Variants in EML1 observed in about 807,000 individuals in gnomAD.
EML1 encodes the protein EMAP like 1.
Under a neutral mutation model 110.4 loss-of-function variants are expected in EML1, and 27 were observed. The ratio of observed to expected loss-of-function variants is 0.24; its 90% CI spans 0.18 to 0.34. The LOEUF is 0.34. Ranked by LOEUF, EML1 falls within the 10% of genes least tolerant of loss-of-function variation. The pLI is 1.00. For synonymous variants in EML1, 344 were observed against 385.8 expected, an observed-to-expected ratio of 0.89 and a Z score of 1.27; for missense variants, 741 against 1,030.9, an observed-to-expected ratio of 0.72 and a Z score of 3.85.
chr14:99,783,826 C>G (rs544961957), intron 1 of EML1, among the ~76,000 whole-genome samples: 1 of 152,302 alleles, frequency 6.6e-6, no homozygotes, highest in Non-Finnish European at 1.5e-5. Flanking sequence ...AAGGCCTAAA[C>G]CTGGCTGTCC....
intron 15 of EML1, among the ~76,000 whole-genome samples, chr14:99,917,339 A>G (rs3783328): frequency 0.65 from 99,407 of 152,044 alleles, 32,488 homozygotes; most frequent in African/African-American, 0.68. Flanking sequence ...GGAGGCAGAG[A>G]CAGGAGGATC....
rs886942010 is a variant in EML1, at chr14:99,885,680, T to C, written c.519-5519T>C. Among the ~76,000 whole-genome samples, 34 of 152,366 alleles carry C rather than the reference T, an allele frequency of 2.2e-4. 1 individual carries two copies. The East Asian group carries it at 6.4e-3, about 28-fold the overall frequency. The stretch of plus-strand genomic sequence containing the variant: ...TTTTAATAAATTTCAAAATGATAAG[T>C]GCTAATATTCTTCATATTGTTTTAG... On this transcript the variant is annotated intron_variant, in intron 4 of 21. Transcript: ENST00000262233.
intron 1 of EML1, among the ~76,000 whole-genome samples, chr14:99,762,241 T>A (rs1242759951): frequency 6.6e-6 from 1 of 152,150 alleles, no homozygotes; most frequent in Non-Finnish European, 1.5e-5. Flanking sequence ...AGTGTTTTTT[T>A]CATAAACTTC....
Position 99,784,474 on chromosome 14 carries a change from C to A in EML1, c.-27+10461C>A, listed in dbSNP as rs1189464223. Reference sequence around the variant, plus strand: ...TCAGATACTTCAAAATATGTAAATTCTTTTGATGGAGTCCAATCATTAGGA... The same window carrying A: ...TCAGATACTTCAAAATATGTAAATTATTTTGATGGAGTCCAATCATTAGGA... On this transcript the variant is annotated intron_variant, in intron 1 of 22. Coordinates refer to the EML1 transcript ENST00000327921. This position sits in a 1 kb window ranked among gnomAD's most constrained non-coding sequence, Gnocchi z 4.5. 4.6e-5 allele frequency among the ~76,000 whole-genome samples: 7 copies of A among 152,216 alleles called. No individual in the cohort carries two copies. Among genetic ancestry groups the A allele is most frequent in the Admixed American group, 4.6e-4 (7 of 15,284 alleles).
In EML1 at chr14:99,849,917, G is replaced by C. The variant is rs115703133; in HGVS notation, c.68-936G>C. Among the ~76,000 whole-genome samples the C allele has an allele frequency of 1.9e-4, 29 of 149,314 alleles. No individual in the cohort carries two copies. The East Asian group carries it at 5.8e-3, about 30-fold the overall frequency. The stretch of plus-strand genomic sequence containing the variant: ...ATTTATTTGTTTGTTTTGTTTTTGC[G>C]CCACTGCGCTCCAGCCTGGGCGACC... On this transcript the variant is annotated intron_variant, in intron 1 of 21. Coordinates refer to ENST00000262233, the MANE Select transcript of EML1 (RefSeq NM_004434.3).
upstream of EML1, among the ~76,000 whole-genome samples, chr14:99,769,482 C>A (rs948276929): frequency 6.6e-6 from 1 of 152,204 alleles, no homozygotes; most frequent in Non-Finnish European, 1.5e-5. Context: ...GGCAGGGACG[C>A]AAGCTCCTCT....
At chr14:99,911,201 C>A (rs964623154) in intron 12 of EML1, among the ~76,000 whole-genome samples, 1 of 152,148 alleles carries the variant, frequency 6.6e-6, no homozygotes, top group Non-Finnish European at 1.5e-5. Flanking sequence ...TTCAACCATG[C>A]GGCTTCAACA....
intron 5 of EML1, among the ~76,000 whole-genome samples, chr14:99,894,285 T>C (rs1414865149): frequency 6.6e-6 from 1 of 152,206 alleles, no homozygotes; most frequent in Non-Finnish European, 1.5e-5. Context: ...TTTCTTGTGT[T>C]AGTTGAATTT....
chr14:99,834,374 C>G (rs1033368781), intron 1 of EML1, among the ~76,000 whole-genome samples: 5 of 151,642 alleles, frequency 3.3e-5, no homozygotes, highest in African/African-American at 1.2e-4. Flanking sequence ...GCAGTCTCGG[C>G]TCACTGCAAG....
intron 4 of EML1, among the ~76,000 whole-genome samples, chr14:99,880,891 G>A (rs1452144353): frequency 2.6e-5 from 4 of 152,206 alleles, no homozygotes; most frequent in Admixed American, 6.5e-5. Context: ...TCATCCCTGT[G>A]ATAGTTCTTA....
intron 6 of EML1, among the ~76,000 whole-genome samples, chr14:99,896,202 G>A (rs2059668767): frequency 6.6e-6 from 1 of 152,078 alleles, no homozygotes; most frequent in Non-Finnish European, 1.5e-5. Context: ...TTGAGTACCT[G>A]TTTAATGCCA....
At chr14:99,836,786 G>T (rs12147384) in intron 1 of EML1, among the ~76,000 whole-genome samples, 102,906 of 151,834 alleles carry the variant, frequency 0.68, 34,967 homozygotes, top group Non-Finnish European at 0.7. Context: ...TTGTACTGGG[G>T]GTAGTTACTT....
chr14:99,869,603 G>A (rs1443487684), intron 3 of EML1, among the ~76,000 whole-genome samples: 1 of 152,190 alleles, frequency 6.6e-6, no homozygotes, highest in Non-Finnish European at 1.5e-5. Flanking sequence ...TAATGAGGAA[G>A]ACATGTCAAA....
chr14:99,835,713 T>C (rs148868228), intron 1 of EML1, among the ~76,000 whole-genome samples: 1 of 152,366 alleles, frequency 6.6e-6, no homozygotes, highest in African/African-American at 2.4e-5. Context: ...TAATTTGAGT[T>C]AGTATTTGTG....
chr14:99,797,014 T>C (rs1335784704), intron 1 of EML1, among the ~76,000 whole-genome samples: 1 of 152,118 alleles, frequency 6.6e-6, no homozygotes. Flanking sequence ...GTGCGTGTAG[T>C]ATATTCACAG....
intron 1 of EML1, among the ~76,000 whole-genome samples, chr14:99,839,588 T>G (rs2058600900): frequency 6.6e-6 from 1 of 152,240 alleles, no homozygotes. Context: ...TTATCCAACC[T>G]AAGGCTTGTA....
At chr14:99,783,906 AG>A (rs2057570463) in intron 1 of EML1, among the ~76,000 whole-genome samples, 1 of 152,232 alleles carries the variant, frequency 6.6e-6, no homozygotes, top group Non-Finnish European at 1.5e-5. Flanking sequence ...GTGGCATGCC[AG>A]GAACGGCCAT....
upstream of EML1, among the ~76,000 whole-genome samples, chr14:99,789,965 C>T (rs1357293636): frequency 6.6e-6 from 1 of 152,248 alleles, no homozygotes; most frequent in East Asian, 1.9e-4. Context: ...GAACTTTCCC[C>T]AAAGATCTTT....
At chr14:99,859,557 A>G (rs1398170593) in intron 2 of EML1, among the ~76,000 whole-genome samples, 2 of 152,174 alleles carry the variant, frequency 1.3e-5, no homozygotes, top group African/African-American at 4.8e-5. Flanking sequence ...GACCCAGAGG[A>G]CCTTGCCTGT....
Sources: allele counts gnomAD v4.1 joint callset (sites outside exome capture counted in the v4.1 genomes callset), GRCh38; gene constraint gnomAD v4.1.1; non-coding constraint Gnocchi (gnomAD v3.1); transcripts MANE v1.5; gene names NCBI Gene and HGNC (gene_info 2026-07-23, HGNC 2026-07-21).